The following NLGN1 variants were observed in gnomAD, a reference collection of about 807,000 sequenced individuals.
NLGN1 encodes neuroligin 1.
A neutral mutation model predicts 65.5 loss-of-function variants in NLGN1; 12 were observed. The ratio of observed to expected loss-of-function variants is 0.18; its 90% CI spans 0.12 to 0.30. The LOEUF is 0.30. NLGN1 is among the 10% of genes least tolerant of loss of function. NLGN1 has a pLI of 1.00. For synonymous variants in NLGN1, 350 were observed against 359.5 expected, an observed-to-expected ratio of 0.97 and a Z score of 0.30; for missense variants, 750 against 1,007.1, an observed-to-expected ratio of 0.74 and a Z score of 3.46.
intron 4 of NLGN1, among the ~76,000 whole-genome samples, chr3:174,066,414 A>C (rs1262199102): frequency 6.6e-6 from 1 of 151,988 alleles, no homozygotes; most frequent in Non-Finnish European, 1.5e-5. Flanking sequence ...AACCTGTTCC[A>C]AGGTTAAGTG....
intron 3 of NLGN1, among the ~76,000 whole-genome samples, chr3:173,732,534 G>A (rs1427649393): frequency 6.6e-6 from 1 of 152,064 alleles, no homozygotes; most frequent in Admixed American, 6.6e-5. Flanking sequence ...TTCGGGGTGG[G>A]TAGTTGCAGT....
intron 4 of NLGN1, among the ~76,000 whole-genome samples, chr3:174,264,916 C>T (rs929651163): frequency 2.0e-5 from 3 of 152,032 alleles, no homozygotes; most frequent in African/African-American, 7.2e-5. Context: ...GGACCCTCAG[C>T]TGCAGGTCTG....
chr3:174,104,222 G>A (rs1475342201), intron 4 of NLGN1, among the ~76,000 whole-genome samples: 1 of 151,756 alleles, frequency 6.6e-6, no homozygotes, highest in Non-Finnish European at 1.5e-5. Flanking sequence ...TTGGCTATTC[G>A]AGTTTCAAAA....
chr3:173,828,870 A>G (rs1342319809), intron 4 of NLGN1, among the ~76,000 whole-genome samples: 1 of 152,098 alleles, frequency 6.6e-6, no homozygotes, highest in Non-Finnish European at 1.5e-5. Flanking sequence ...CAGATAAACC[A>G]TGAGAGTAGG....
In NLGN1 at chr3:174,075,752, A is replaced by G. The variant is rs77207019; in HGVS notation, c.647-199563A>G. On this transcript the variant is annotated intron_variant, in intron 4 of 6. Coordinates refer to ENST00000457714, the Ensembl canonical transcript of NLGN1. ...AAAAAGAAAAATGAAAAGGACATAA[A>G]AATAATGCATAAGTGGATTATTGAT... 3.5e-3 allele frequency among the ~76,000 whole-genome samples: 527 copies of G among 152,338 alleles called. 2 individuals carry two copies. The highest frequency in any genetic ancestry group is 0.011 in the African/African-American group (463 of 41,580).
intron 4 of NLGN1, among the ~76,000 whole-genome samples, chr3:173,931,277 G>T (rs1180189399): frequency 6.6e-6 from 1 of 152,054 alleles, no homozygotes; most frequent in Non-Finnish European, 1.5e-5. Context: ...TCAATAAGAA[G>T]CTAACATCAT....
At chr3:173,513,210 C>T (rs1733270081) in intron 2 of NLGN1, among the ~76,000 whole-genome samples, 1 of 138,926 alleles carries the variant, frequency 7.2e-6, no homozygotes, top group Admixed American at 7.5e-5. Flanking sequence ...TCCCCTCCCT[C>T]TACTGAAAAT....
intron 4 of NLGN1, among the ~76,000 whole-genome samples, chr3:174,137,044 T>TA (rs1157055667): frequency 6.6e-6 from 1 of 152,102 alleles, no homozygotes; most frequent in Non-Finnish European, 1.5e-5. Flanking sequence ...ACAAAAAGCC[T>TA]ATATATATGA....
intron 2 of NLGN1, among the ~76,000 whole-genome samples, chr3:173,478,673 C>A (rs1054195027): frequency 6.6e-6 from 1 of 152,084 alleles, no homozygotes; most frequent in Admixed American, 6.5e-5. Context: ...GTAATCCCAG[C>A]ACTTTGGGAG....
chr3:173,815,674 T>G (rs1718891415), intron 4 of NLGN1, among the ~76,000 whole-genome samples: 1 of 152,150 alleles, frequency 6.6e-6, no homozygotes, highest in African/African-American at 2.4e-5. Flanking sequence ...AGCATAATCC[T>G]TGGCTCTCTA....
rs1008319994 is a variant in NLGN1 at position 174,094,071 on chromosome 3, T to C, written c.647-181244T>C. On this transcript the variant is annotated intron_variant, in intron 4 of 6. Transcript: ENST00000457714. ...CAAAAAAGTAAAAATCTATATACCG[T>C]AGTGTGCTGTATAGTATAGACTAGA... 2.6e-5 allele frequency among the ~76,000 whole-genome samples: 4 copies of C among 152,280 alleles called. No homozygotes were observed. In the South Asian group the frequency reaches 6.2e-4, roughly 24 times the overall value.
intron 4 of NLGN1, among the ~76,000 whole-genome samples, chr3:173,942,949 A>T (rs1379400656): frequency 6.6e-6 from 1 of 152,140 alleles, no homozygotes; most frequent in Non-Finnish European, 1.5e-5. Context: ...GACAGATCAG[A>T]TGCAGTGGTT....
At chr3:173,839,606 A>G (rs1724379818) in intron 4 of NLGN1, among the ~76,000 whole-genome samples, 1 of 152,026 alleles carries the variant, frequency 6.6e-6, no homozygotes. Flanking sequence ...TGTTTTTAGT[A>G]GAGATGGGGT....
intron 2 of NLGN1, among the ~76,000 whole-genome samples, chr3:173,576,988 G>T (rs1310079571): frequency 6.6e-6 from 1 of 152,160 alleles, no homozygotes; most frequent in East Asian, 1.9e-4. Flanking sequence ...CTTCTCATCT[G>T]GGCGATGCTG....
At chr3:173,679,126 GAA>G (rs11316391) in intron 3 of NLGN1, among the ~76,000 whole-genome samples, 22 of 137,214 alleles carry the variant, frequency 1.6e-4, no homozygotes, top group Middle Eastern at 3.9e-3. Flanking sequence ...GCCCCGATGT[GAA>G]AAAAAAAAAA....
chr3:173,502,899 T>TA (rs2149065634), intron 2 of NLGN1, among the ~76,000 whole-genome samples: 1 of 152,256 alleles, frequency 6.6e-6, no homozygotes, highest in South Asian at 2.1e-4. Context: ...TTGAAAGACT[T>TA]ATATTTGAAT....
At chr3:174,218,232 T>C (rs1362956) in intron 4 of NLGN1, among the ~76,000 whole-genome samples, 110,010 of 151,858 alleles carry the variant, frequency 0.72, 39,947 homozygotes, top group East Asian at 0.8. Flanking sequence ...CATTCATTGA[T>C]TACCCTTTAC....
chr3:174,283,202 G>A (rs1751743251), exon 7 of NLGN1: 1 of 151,344 alleles, frequency 6.6e-6, no homozygotes, highest in African/African-American at 2.4e-5. Context: ...TTCTAGATTA[G>A]ACCAGTCAGG....
At chr3:173,689,255 C>A (rs188011309) in intron 3 of NLGN1, among the ~76,000 whole-genome samples, 163 of 152,264 alleles carry the variant, frequency 1.1e-3, no homozygotes, top group Admixed American at 1.8e-3. Context: ...AACATCACCC[C>A]CTCTGACTAC....
Sources: allele counts gnomAD v4.1 joint callset (sites outside exome capture counted in the v4.1 genomes callset), GRCh38; gene constraint gnomAD v4.1.1; transcripts MANE v1.5; gene names NCBI Gene and HGNC (gene_info 2026-07-23, HGNC 2026-07-21).